ADISSP: variants seen among roughly 807,000 people sequenced by gnomAD.
The protein encoded by ADISSP is adipose secreted signaling protein.
the ADISSP span, among the ~76,000 whole-genome samples, chr20:3,754,974 TGAAACTGAAGCTGGAGCTCCAC>T: frequency 6.6e-6 from 1 of 151,978 alleles, no homozygotes; most frequent in African/African-American, 2.4e-5. Flanking sequence ...GACGGGGACA[TGAAACTGAAGCTGGAGCTCCAC>T]GAAACTGACA....
At chr20:3,755,956 C>G in the ADISSP span, among the ~76,000 whole-genome samples, 2 of 152,228 alleles carry the variant, frequency 1.3e-5, no homozygotes, top group South Asian at 4.1e-4. Context: ...CCTCCCTAGA[C>G]TTCTTGGCCA....
At chr20:3,761,764 G>A in the ADISSP span, among the ~76,000 whole-genome samples, 4 of 152,168 alleles carry the variant, frequency 2.6e-5, no homozygotes, top group Non-Finnish European at 4.4e-5. Flanking sequence ...CCTGAAGTAA[G>A]GCAGCCCAAA....
the ADISSP span, among the ~76,000 whole-genome samples, chr20:3,765,353 A>G: frequency 3.3e-5 from 5 of 152,142 alleles, no homozygotes; most frequent in African/African-American, 1.2e-4. Flanking sequence ...CCATGGCTCA[A>G]TCCACATGGC....
the ADISSP span, chr20:3,754,121 G>C: frequency 6.2e-7 from 1 of 1,613,518 alleles, no homozygotes; most frequent in South Asian, 1.1e-5. Flanking sequence ...CCACACACTT[G>C]ACACCATCCA....
At chr20:3,762,474 A>C in the ADISSP span, among the ~76,000 whole-genome samples, 1 of 151,932 alleles carries the variant, frequency 6.6e-6, no homozygotes, top group South Asian at 2.1e-4. Flanking sequence ...AGGCTCAAGC[A>C]ATCCTCCCAC....
chr20:3,764,057 G>A, the ADISSP span, among the ~76,000 whole-genome samples: 1 of 152,222 alleles, frequency 6.6e-6, no homozygotes, highest in African/African-American at 2.4e-5. Flanking sequence ...GGCCACTGTG[G>A]GGTCAGTTGC....
the ADISSP span, chr20:3,760,288 C>A: frequency 1.7e-6 from 1 of 584,986 alleles, no homozygotes; most frequent in Non-Finnish European, 3.1e-6. Flanking sequence ...CAAACCCCTA[C>A]CGCTCTCAGC....
At chr20:3,765,889 C>A in the ADISSP span, among the ~76,000 whole-genome samples, 1,651 of 152,114 alleles carry the variant, frequency 0.011, 37 homozygotes, top group African/African-American at 0.038. Flanking sequence ...GCCTCCCCGC[C>A]AGCAAAAAAA....
At chr20:3,753,777 A>G in the ADISSP span, 1 of 501,988 alleles carries the variant, frequency 2.0e-6, no homozygotes, top group Non-Finnish European at 3.6e-6. Context: ...GACCCACCCC[A>G]GGCCCTCCCT....
chr20:3,758,730 C>T, the ADISSP span: 1 of 1,586,114 alleles, frequency 6.3e-7, no homozygotes, highest in African/African-American at 1.3e-5. The surrounding 1 kb of genome is among the most constrained non-coding windows in gnomAD (Gnocchi z 5.5). Flanking sequence ...CCAGGAAACT[C>T]CTCCCCCTTG....
chr20:3,759,030 T>G, the ADISSP span, among the ~76,000 whole-genome samples: 1 of 152,160 alleles, frequency 6.6e-6, no homozygotes, highest in African/African-American at 2.4e-5. The surrounding 1 kb of genome is among the most constrained non-coding windows in gnomAD (Gnocchi z 4.6). Context: ...GTCCTCTGGA[T>G]ACCCTGCCCA....
chr20:3,762,871 T>C, the ADISSP span, among the ~76,000 whole-genome samples: 2 of 152,032 alleles, frequency 1.3e-5, no homozygotes, highest in Non-Finnish European at 2.9e-5. Flanking sequence ...AAAAGGATAA[T>C]CTTCAGGACA....
the ADISSP span, among the ~76,000 whole-genome samples, chr20:3,764,749 A>G: frequency 4.6e-5 from 7 of 152,224 alleles, no homozygotes; most frequent in African/African-American, 1.7e-4. Context: ...ACCACATCAC[A>G]TTTGCTTGGA....
the ADISSP span, among the ~76,000 whole-genome samples, chr20:3,762,898 C>G: frequency 4.5e-5 from 6 of 133,268 alleles, no homozygotes; most frequent in African/African-American, 2.2e-4. Flanking sequence ...CTGTTTTTTT[C>G]ACCACATCAG....
chr20:3,762,465 G>C, the ADISSP span, among the ~76,000 whole-genome samples: 5 of 151,966 alleles, frequency 3.3e-5, no homozygotes, highest in Non-Finnish European at 7.4e-5. Flanking sequence ...TAATCTCCCA[G>C]GCTCAAGCAA....
the ADISSP span, among the ~76,000 whole-genome samples, chr20:3,758,073 G>A: frequency 6.6e-6 from 1 of 152,026 alleles, no homozygotes; most frequent in Non-Finnish European, 1.5e-5. The surrounding 1 kb of genome is among the most constrained non-coding windows in gnomAD (Gnocchi z 5.5). Context: ...GGCAAAGAAG[G>A]GTTAAAAAAA....
chr20:3,758,465 G>A, the ADISSP span: 1 of 1,459,112 alleles, frequency 6.9e-7, no homozygotes, highest in Non-Finnish European at 9.5e-7. The surrounding 1 kb of genome is among the most constrained non-coding windows in gnomAD (Gnocchi z 5.5). Context: ...AGAGGAACGG[G>A]GATAGGCACC....
the ADISSP span, chr20:3,758,462 C>A: frequency 7.0e-7 from 1 of 1,431,262 alleles, no homozygotes; most frequent in South Asian, 1.2e-5. The surrounding 1 kb of genome is among the most constrained non-coding windows in gnomAD (Gnocchi z 5.5). Context: ...CTGAGAGGAA[C>A]GGGGATAGGC....
the ADISSP span, chr20:3,753,543 C>G: frequency 1.3e-5 from 2 of 158,428 alleles, no homozygotes; most frequent in South Asian, 3.6e-4. Flanking sequence ...CTTTAGGGTT[C>G]TATCCCAACC....
Sources: gnomAD v4.1 joint callset for allele counts (sites outside exome capture counted in the v4.1 genomes callset) on GRCh38, gnomAD v4.1.1 for gene constraint, Gnocchi (gnomAD v3.1) non-coding constraint, MANE v1.5 for transcripts, NCBI Gene and HGNC (gene_info 2026-07-23, HGNC 2026-07-21) for gene names.